The following GHR variants were observed in gnomAD, a reference collection of about 807,000 sequenced individuals.
GHR encodes growth hormone receptor.
A neutral mutation model predicts 67.1 loss-of-function variants in GHR; 35 were observed. The ratio of observed to expected loss-of-function variants is 0.52; its 90% confidence interval spans 0.40 to 0.69. The LOEUF (loss-of-function observed/expected upper bound fraction) is 0.69. Ranked by LOEUF, GHR falls within the 30% of genes least tolerant of loss-of-function variation. The pLI is 0.00. For synonymous variants in GHR, 272 were observed against 269.1 expected, an observed-to-expected ratio of 1.01 and a Z score of -0.10; for missense variants, 792 against 764.6, an observed-to-expected ratio of 1.04 and a Z score of -0.42.
intron 2 of GHR, among the ~76,000 whole-genome samples, chr5:42,609,962 A>G (rs1272484798): frequency 6.6e-6 from 1 of 152,174 alleles, no homozygotes; most frequent in African/African-American, 2.4e-5. Flanking sequence ...ATGGCTTTAA[A>G]AAGTAAATCA....
chr5:42,638,017 G>T (rs2112777950), intron 3 of GHR, among the ~76,000 whole-genome samples: 1 of 152,272 alleles, frequency 6.6e-6, no homozygotes, highest in Admixed American at 6.5e-5. Flanking sequence ...TCGGCTCACT[G>T]CACTCTCCGC....
At chr5:42,453,957 C>T (rs1016676419) in intron 1 of GHR, among the ~76,000 whole-genome samples, 8 of 152,212 alleles carry the variant, frequency 5.3e-5, no homozygotes, top group African/African-American at 1.7e-4. Flanking sequence ...TCTGAAACTC[C>T]TACTATTCAG....
intron 1 of GHR, among the ~76,000 whole-genome samples, chr5:42,425,710 A>G (rs1191937829): frequency 6.6e-6 from 1 of 152,228 alleles, no homozygotes; most frequent in Non-Finnish European, 1.5e-5. Context: ...TTTGGAAGAC[A>G]TCATGTGTAG....
chr5:42,457,451 G>T (rs1744308938), intron 1 of GHR, among the ~76,000 whole-genome samples: 1 of 152,162 alleles, frequency 6.6e-6, no homozygotes, highest in African/African-American at 2.4e-5. Flanking sequence ...TGTTCCAAGT[G>T]ATTTGCGTAA....
rs1742773378 is a variant in GHR at position 42,424,736 on chromosome 5, C to A, written c.-12+781C>A. On this transcript the variant is annotated intron_variant, in intron 1 of 9. Transcript: ENST00000230882. This position sits in a 1 kb window ranked among gnomAD's most constrained non-coding sequence, Gnocchi z 4.1. ...GGTGGCCGCGTGTCTAGGGAGAGGG[C>A]GCTGGCGGCGCAGAGGGTGCGGGGC... 2 of 929,956 alleles carry A rather than the reference C, an allele frequency of 2.2e-6. No homozygotes were observed. Among genetic ancestry groups the A allele is most frequent in the Admixed American group, 2.0e-5 (1 of 50,204 alleles). The allele number at this position is 929,956 out of a possible 1,614,324, so 57.6% of individuals were successfully genotyped here.
rs539593905 is a variant in GHR, at chr5:42,501,222, T to C, written c.-11-64642T>C. The stretch of plus-strand genomic sequence containing the variant: ...TGAAATAAGACTAAATCCAGTAGTA[T>C]TGCTCCGGTAGGTTCAATCATATTC... On this transcript the variant is annotated intron_variant, in intron 1 of 9. Transcript: ENST00000230882. 6.6e-5 allele frequency among the ~76,000 whole-genome samples: 10 copies of C among 152,298 alleles called. No homozygotes were observed. The South Asian group carries it at 8.3e-4, about 13-fold the overall frequency.
At chr5:42,639,236 A>G (rs889241425) in intron 3 of GHR, among the ~76,000 whole-genome samples, 1 of 152,222 alleles carries the variant, frequency 6.6e-6, no homozygotes, top group Non-Finnish European at 1.5e-5. Context: ...TTGACATTGT[A>G]GTTTGTAGAT....
intron 4 of GHR, among the ~76,000 whole-genome samples, chr5:42,694,525 T>C (rs957912915): frequency 2.0e-5 from 3 of 152,224 alleles, no homozygotes; most frequent in Admixed American, 6.5e-5. Flanking sequence ...AAACCTTCAC[T>C]GTTCTCTGGG....
chr5:42,582,562 T>C (rs941542203), intron 2 of GHR, among the ~76,000 whole-genome samples: 2 of 152,234 alleles, frequency 1.3e-5, no homozygotes, highest in Non-Finnish European at 1.5e-5. Context: ...TCTTCCTGGA[T>C]GTGGGACAAG....
At chr5:42,483,141 T>C (rs1171123675) in intron 1 of GHR, among the ~76,000 whole-genome samples, 2 of 152,178 alleles carry the variant, frequency 1.3e-5, no homozygotes, top group Non-Finnish European at 2.9e-5. Flanking sequence ...CCATCTCAGC[T>C]CACTGCAGCC....
chr5:42,554,420 G>A (rs992327893), intron 1 of GHR, among the ~76,000 whole-genome samples: 2 of 152,020 alleles, frequency 1.3e-5, no homozygotes, highest in African/African-American at 2.4e-5. Flanking sequence ...GTGTTGAGAC[G>A]ATCTGGAACA....
chr5:42,700,257 TTTAACTTTA>T (rs1757870309), intron 6 of GHR, among the ~76,000 whole-genome samples: 1 of 152,202 alleles, frequency 6.6e-6, no homozygotes, highest in Non-Finnish European at 1.5e-5. Flanking sequence ...TGCTGTCCAG[TTTAACTTTA>T]GAGCAAAATT....
intron 1 of GHR, among the ~76,000 whole-genome samples, chr5:42,470,908 T>C (rs1744984740): frequency 6.6e-6 from 1 of 152,190 alleles, no homozygotes; most frequent in Middle Eastern, 3.2e-3. Flanking sequence ...TCCATGTCCT[T>C]GAGGAGTTTA....
At chr5:42,468,908 G>T (rs1744872891) in intron 1 of GHR, 1 of 605,258 alleles carries the variant, frequency 1.7e-6, no homozygotes, top group African/African-American at 1.9e-5. Context: ...ATTGCAGCGG[G>T]CTGCGCCGAG....
intron 2 of GHR, among the ~76,000 whole-genome samples, chr5:42,579,074 T>TATAGATAGATAG (rs6149005): frequency 3.2e-5 from 4 of 123,822 alleles, no homozygotes; most frequent in East Asian, 2.6e-4. Context: ...AATCTGACAC[T>TATAGATAGATAG]ATAGATAGAT....
At chr5:42,617,509 C>T (rs1753222675) in intron 2 of GHR, among the ~76,000 whole-genome samples, 1 of 151,968 alleles carries the variant, frequency 6.6e-6, no homozygotes, top group Non-Finnish European at 1.5e-5. Context: ...ACCTTCTTAA[C>T]TTACATCCAC....
At chr5:42,480,588 A>G (rs989435168) in intron 1 of GHR, among the ~76,000 whole-genome samples, 3 of 152,198 alleles carry the variant, frequency 2.0e-5, no homozygotes, top group Admixed American at 1.3e-4. Context: ...AGGTGCATAT[A>G]TATTTAGGAT....
rs369161215 is a variant in GHR at position 42,617,205 on chromosome 5, TTC to T, written c.71-11831_71-11830del. On this transcript the variant is annotated intron_variant, in intron 2 of 9. Transcript: ENST00000230882. Reference sequence around the variant, plus strand: ...TGTTGGGGGCCCAACCATTTCTGGCTTCTATAGATCCCCTTTTTGTACATGCT... The same window carrying T: ...TGTTGGGGGCCCAACCATTTCTGGCTTATAGATCCCCTTTTTGTACATGCT... 4.9e-4 allele frequency among the ~76,000 whole-genome samples: 74 copies of T among 151,924 alleles called. 2 individuals are homozygous for T. In the South Asian group the frequency reaches 8.7e-3, roughly 18 times the overall value.
chr5:42,577,987 G>A (rs565165619), intron 2 of GHR, among the ~76,000 whole-genome samples: 1 of 152,222 alleles, frequency 6.6e-6, no homozygotes, highest in South Asian at 2.1e-4. Flanking sequence ...TTTTGAACTA[G>A]AGCTCACAGA....
Sources: gnomAD v4.1 joint callset for allele counts (sites outside exome capture counted in the v4.1 genomes callset) on GRCh38, gnomAD v4.1.1 for gene constraint, Gnocchi (gnomAD v3.1) non-coding constraint, MANE v1.5 for transcripts, NCBI Gene and HGNC (gene_info 2026-07-23, HGNC 2026-07-21) for gene names.